CUBN: variants seen among roughly 807,000 people sequenced by gnomAD.
The protein encoded by CUBN is cubilin.
Under a neutral mutation model 405.3 loss-of-function variants are expected in CUBN, and 282 were observed. That is an observed-to-expected ratio of 0.70 (90% CI 0.63 to 0.77). CUBN has a LOEUF of 0.77. Ranked by LOEUF, CUBN falls within the 30% of genes least tolerant of loss-of-function variation. CUBN has a pLI of 0.00. For missense variants in CUBN, 4,514 were observed against 4,475.2 expected, an observed-to-expected ratio of 1.01 and a Z score of -0.25; for synonymous variants, 1,684 against 1,617.0, an observed-to-expected ratio of 1.04 and a Z score of -0.99.
At position 17,065,132 on chromosome 10, in the gene CUBN, C is replaced by CCT. The variant is rs1225251006; in HGVS notation, c.3139+375_3139+376insAG. ...CTTTATCATTTCTCTCTCTCTCTCC[C>CCT]CCCCCCCCCACACACACATGCACAG... On this transcript the variant is annotated intron_variant, in intron 22 of 66. Coordinates refer to ENST00000377833, the MANE Select transcript of CUBN (RefSeq NM_001081.4). Among the ~76,000 whole-genome samples, 4 of 119,926 alleles carry CCT rather than the reference C, an allele frequency of 3.3e-5. No homozygotes were observed. The East Asian group carries it at 8.9e-4, about 27-fold the overall frequency. The allele number at this position is 119,926 out of a possible 152,430, so 78.7% of individuals were successfully genotyped here.
intron 31 of CUBN, among the ~76,000 whole-genome samples, chr10:16,959,681 A>G (rs571546778): frequency 8.5e-5 from 13 of 152,228 alleles, no homozygotes; most frequent in African/African-American, 3.1e-4. Context: ...AATTTATAAA[A>G]TTCCACAAGA....
intron 29 of CUBN, among the ~76,000 whole-genome samples, chr10:16,987,633 T>C (rs1169524984): frequency 6.6e-6 from 1 of 152,184 alleles, no homozygotes; most frequent in Non-Finnish European, 1.5e-5. Context: ...CCCACTTGAC[T>C]ACACTCACAT....
intron 48 of CUBN, among the ~76,000 whole-genome samples, chr10:16,910,183 C>T (rs1320998156): frequency 2.0e-4 from 30 of 148,616 alleles, no homozygotes; most frequent in Admixed American, 1.6e-3. Flanking sequence ...TTTTTTTCTC[C>T]TTCCCCTTCT....
chr10:16,835,130 CGTA>C lies in CUBN; in HGVS notation c.10243_10245del (p.Tyr3415del). 1.2e-6 allele frequency: 2 copies of C among 1,614,112 alleles called. No individual in the cohort carries two copies. Among genetic ancestry groups the C allele is most frequent in the Non-Finnish European group, 1.7e-6 (2 of 1,179,994 alleles). On this transcript the variant is annotated inframe_deletion, in exon 64 of 67. Coordinates refer to ENST00000377833, the MANE Select transcript of CUBN (RefSeq NM_001081.4). ...GTAACGGTGCAATCCTTGTCATTGT[CGTA>C]GTTATCTGGCCATCCAGGGCTTCTC...
At chr10:16,916,075 C>A (rs753683487) in intron 45 of CUBN, 45 bp from the exon 46 acceptor site, 10 of 1,575,054 alleles carry the variant, frequency 6.3e-6, no homozygotes, top group South Asian at 3.4e-5. Flanking sequence ...AGCAAGCAAG[C>A]AAGAAAGATT....
intron 62 of CUBN, among the ~76,000 whole-genome samples, chr10:16,839,705 C>A (rs1421849417): frequency 7.0e-6 from 1 of 143,090 alleles, no homozygotes; most frequent in African/African-American, 2.4e-5. Flanking sequence ...ATCCAGCCAT[C>A]CCATTACTGG....
chr10:17,127,688 G>A, intron 3 of CUBN, 141 bp downstream of exon 3: 1 of 614,962 alleles, frequency 1.6e-6, no homozygotes, highest in Non-Finnish European at 2.9e-6. Context: ...TTACAGCTGT[G>A]TCATTTAACC....
At chr10:16,947,035 A>G (rs971114452) in intron 36 of CUBN, among the ~76,000 whole-genome samples, 200 bp downstream of exon 36, 2 of 152,200 alleles carry the variant, frequency 1.3e-5, no homozygotes, top group African/African-American at 4.8e-5. Flanking sequence ...ACTTTTGGAA[A>G]TGTTAGACAG....
chr10:16,949,215 G>A (rs543823307), intron 34 of CUBN, among the ~76,000 whole-genome samples: 1 of 152,252 alleles, frequency 6.6e-6, no homozygotes, highest in Non-Finnish European at 1.5e-5. Context: ...CTTATCCTTG[G>A]TCAAATGCTT....
At chr10:16,933,046 G>A in intron 40 of CUBN, 41 bp downstream of exon 40, 2 of 1,583,892 alleles carry the variant, frequency 1.3e-6, no homozygotes, top group Non-Finnish European at 1.7e-6. Context: ...AACTAATTAT[G>A]TGTCAGGGTT....
At chr10:17,065,137 C>G (rs1014607322) in intron 22 of CUBN, among the ~76,000 whole-genome samples, 9 of 141,804 alleles carry the variant, frequency 6.3e-5, no homozygotes, top group Admixed American at 2.1e-4. Context: ...TCTCCCCCCC[C>G]CCCCACACAC....
At chr10:16,915,329 A>G (rs1841853228) in intron 46 of CUBN, among the ~76,000 whole-genome samples, 157 bp from the exon 47 acceptor site, 1 of 152,242 alleles carries the variant, frequency 6.6e-6, no homozygotes, top group South Asian at 2.1e-4. Context: ...AAACATGAAT[A>G]AAAATGAACA....
intron 58 of CUBN, among the ~76,000 whole-genome samples, chr10:16,871,331 T>C (rs1840347287): frequency 6.6e-6 from 1 of 151,638 alleles, no homozygotes; most frequent in African/African-American, 2.4e-5. Flanking sequence ...TGGGACACCA[T>C]GCCCAGCCTG....
chr10:16,854,914 C>CTCCCTCCT (rs1554782416), intron 59 of CUBN, among the ~76,000 whole-genome samples: 1 of 150,792 alleles, frequency 6.6e-6, no homozygotes, highest in African/African-American at 2.4e-5. Context: ...CCCTCCTTTC[C>CTCCCTCCT]TTCCTTCCTT....
rs1277455892 is a variant in CUBN at position 17,084,319 on chromosome 10, G to T, written c.2253C>A (p.Thr751=). Reference sequence around the variant, plus strand: ...CACTCTGGCATTGCAGCTCCACGTGGGTGAAGTTGATTTGTATTTGTTCTC... The same window carrying T: ...CACTCTGGCATTGCAGCTCCACGTGTGTGAAGTTGATTTGTATTTGTTCTC... ...PQGEQIQINF[T]HVELQCQSDS... The change falls in exon 17 of 67, where the codon ACC becomes ACA. Residue 751 remains threonine, a synonymous_variant. Transcript: ENST00000377833. 2 of 1,614,006 alleles carry T rather than the reference G, an allele frequency of 1.2e-6. No homozygotes were observed. The highest frequency in any genetic ancestry group is 1.3e-5 in the African/African-American group (1 of 74,900).
rs1369604452 is a variant in CUBN at position 16,970,292 on chromosome 10, C to T, written c.4695+12192G>A. Among the ~76,000 whole-genome samples the T allele has an allele frequency of 6.6e-5, 10 of 152,194 alleles. No individual in the cohort carries two copies. In the East Asian group the frequency reaches 1.2e-3, roughly 18 times the overall value. On this transcript the variant is annotated intron_variant, in intron 31 of 66. Transcript: ENST00000377833. ...TATAGAAGTGAAAGTGGGCTGGGCACGGTGGCTCACGCCTATAATCCCAGC... is the reference window on the plus strand; with the variant it reads ...TATAGAAGTGAAAGTGGGCTGGGCATGGTGGCTCACGCCTATAATCCCAGC...
rs528964506 is a variant in CUBN at position 16,919,909 on chromosome 10, G to A, written c.6821+54C>T. ...GAAATGGACTGTTTTGAGACATGAC[G>A]GTTAAAAAATACTAACTTGGGGTAG... On this transcript the variant is annotated intron_variant, in intron 44 of 66. Transcript: ENST00000377833. The A allele has an allele frequency of 5.3e-4, 834 of 1,560,364 alleles. 1 individual carries two copies. The African/African-American group carries it at 8.2e-3, about 15-fold the overall frequency.
intron 22 of CUBN, among the ~76,000 whole-genome samples, chr10:17,050,880 G>A (rs1835249782): frequency 6.6e-6 from 1 of 152,106 alleles, no homozygotes; most frequent in South Asian, 2.1e-4. Context: ...TCTTTAGCAA[G>A]TACAGATATA....
chr10:16,862,193 C>CACACACACACACAT (rs1448517605), intron 59 of CUBN, among the ~76,000 whole-genome samples: 1 of 151,036 alleles, frequency 6.6e-6, no homozygotes, highest in Non-Finnish European at 1.5e-5. Flanking sequence ...CACACACACA[C>CACACACACACACAT]ATCACATCCC....
Sources: gnomAD v4.1 joint callset for allele counts (sites outside exome capture counted in the v4.1 genomes callset) on GRCh38, gnomAD v4.1.1 for gene constraint, MANE v1.5 for transcripts, NCBI Gene and HGNC (gene_info 2026-07-23, HGNC 2026-07-21) for gene names.